ZNF41: variants seen among roughly 807,000 people sequenced by gnomAD.
ZNF41 encodes the protein zinc finger protein 41.
A neutral mutation model predicts 9.3 loss-of-function variants in ZNF41; 6 were observed. The observed-to-expected ratio is 0.65, with a 90% CI of 0.35 to 1.28. The LOEUF (loss-of-function observed/expected upper bound fraction) is 1.28. Ranked by LOEUF, ZNF41 falls within the 50% of genes most tolerant of loss-of-function variation. ZNF41 has a pLI of 0.03. For synonymous variants in ZNF41, 192 were observed against 207.1 expected, an observed-to-expected ratio of 0.93 and a Z score of 0.63; for missense variants, 523 against 585.8, an observed-to-expected ratio of 0.89 and a Z score of 1.11.
Position 47,456,480 on chromosome X carries a change from C to T in ZNF41, c.73-82G>A, listed in dbSNP as rs749126211. 3.4e-6 allele frequency: 4 copies of T among 1,175,113 alleles called. No homozygotes were observed. The East Asian group carries it at 9.0e-5, about 27-fold the overall frequency. On this transcript the variant is annotated intron_variant, in intron 2 of 4. Transcript: ENST00000684689. ...GGTAGATAGCAAGTTGTTTTTAATGCTTTTTACCATAATGTATCATGTAGG... is the reference window on the plus strand; with the variant it reads ...GGTAGATAGCAAGTTGTTTTTAATGTTTTTTACCATAATGTATCATGTAGG...
chrX:47,455,118 G>A (rs1266305656), intron 4 of ZNF41, among the ~76,000 whole-genome samples: 1 of 110,070 alleles, frequency 9.1e-6, no homozygotes, highest in Admixed American at 9.8e-5. Context: ...GGTGGCGCAT[G>A]CCTGTAATCT....
At chrX:47,460,476 G>T (rs968210784) in intron 2 of ZNF41, among the ~76,000 whole-genome samples, 10 of 111,286 alleles carry the variant, frequency 9.0e-5, no homozygotes, top group Non-Finnish European at 1.7e-4. Context: ...AGAACAAAGG[G>T]AAAGTCACAG....
At chrX:47,463,073 G>A (rs1053620699) in intron 2 of ZNF41, among the ~76,000 whole-genome samples, 13 of 109,628 alleles carry the variant, frequency 1.2e-4, no homozygotes, top group Non-Finnish European at 2.5e-4. Flanking sequence ...CAATCCTCCC[G>A]CTTTGGCCTC....
intron 1 of ZNF41, among the ~76,000 whole-genome samples, chrX:47,469,602 G>A (rs1325321293): frequency 1.8e-5 from 2 of 111,592 alleles, no homozygotes; most frequent in African/African-American, 3.3e-5. Flanking sequence ...TTCCCTGGCC[G>A]GGTGCCATGA....
intron 2 of ZNF41, among the ~76,000 whole-genome samples, chrX:47,461,103 T>TC (rs1220032341): frequency 9.2e-6 from 1 of 108,752 alleles, no homozygotes; most frequent in Non-Finnish European, 1.9e-5. Flanking sequence ...TCTTTTCTTT[T>TC]TTTTTTTTTT....
chrX:47,456,048 C>A, intron 3 of ZNF41, 32 bp from the exon 4 acceptor site: 1 of 1,177,903 alleles, frequency 8.5e-7, no homozygotes, highest in Non-Finnish European at 1.2e-6. Flanking sequence ...CGATTGGGTC[C>A]AGCTGATTGG....
Position 47,455,975 on chromosome X carries a change from G to T in ZNF41, c.241C>A (p.Gln81Lys), listed in dbSNP as rs2056545846. Residue 81 changes from glutamine (Q) to lysine (K), a missense_variant, in exon 4 of 5, where the codon CAA becomes AAA. Transcript: ENST00000684689. ...PKSEAAFKLE[Q>K]GEGPWMLEGE... Reference sequence around the variant, plus strand: ...TCCAGCATCCATGGCCCCTCTCCTTGCTCCAACTTGAAGGCAGCCTCTGAC... The same window carrying T: ...TCCAGCATCCATGGCCCCTCTCCTTTCTCCAACTTGAAGGCAGCCTCTGAC... The T allele has an allele frequency of 8.3e-7, 1 of 1,209,717 alleles. No individual in the cohort carries two copies. The highest frequency in any genetic ancestry group is 1.8e-5 in the African/African-American group (1 of 57,095).
chrX:47,457,909 A>G (rs1190542182), intron 2 of ZNF41, among the ~76,000 whole-genome samples: 1 of 94,083 alleles, frequency 1.1e-5, no homozygotes, highest in African/African-American at 3.7e-5. Flanking sequence ...TATGGGAGTG[A>G]GAAAAAGAAT....
At chrX:47,463,145 T>C (rs1348877539) in intron 2 of ZNF41, among the ~76,000 whole-genome samples, 1 of 110,810 alleles carries the variant, frequency 9.0e-6, no homozygotes, top group Non-Finnish European at 1.9e-5. Flanking sequence ...ATTTCTACTA[T>C]GCTCTCCCGT....
rs1259829603 is a variant in ZNF41, at chrX:47,445,354, T to A, written c.*2076A>T. ...ATTGATAGAATGTAAAATGGTGCAG[T>A]CATGTGAGGAACAGGCCTAGGTCTC... On this transcript the variant is annotated 3_prime_UTR_variant, in exon 5 of 5. Transcript: ENST00000684689. Among the ~76,000 whole-genome samples the A allele has an allele frequency of 8.9e-6, 1 of 111,756 alleles. No individual in the cohort carries two copies. Among genetic ancestry groups the A allele is most frequent in the Non-Finnish European group, 1.9e-5 (1 of 53,200 alleles).
chrX:47,477,729 T>C (rs890436157), intron 1 of ZNF41, among the ~76,000 whole-genome samples: 14 of 112,096 alleles, frequency 1.2e-4, no homozygotes, highest in African/African-American at 3.6e-4. Flanking sequence ...TCTGTACACT[T>C]TTCTCTGTTG....
intron 1 of ZNF41, among the ~76,000 whole-genome samples, chrX:47,476,134 C>G (rs58488586): frequency 9.0e-6 from 1 of 111,031 alleles, no homozygotes; most frequent in Admixed American, 9.6e-5. Context: ...AGGCGGATCA[C>G]TTGAGGCCAG....
At chrX:47,474,751 G>A (rs146527859) in intron 1 of ZNF41, among the ~76,000 whole-genome samples, 1,447 of 108,670 alleles carry the variant, frequency 0.013, 18 homozygotes, top group Middle Eastern at 0.024. Context: ...GGTGGCATGC[G>A]CCTGTAGTCT....
intron 4 of ZNF41, among the ~76,000 whole-genome samples, chrX:47,455,199 C>T (rs922275087): frequency 1.9e-4 from 21 of 108,222 alleles, no homozygotes; most frequent in Non-Finnish European, 2.7e-4. Context: ...GAAACGAGAT[C>T]GTGCCATTGC....
rs772504038 is a variant in ZNF41 at position 47,466,508 on chromosome X, T to C, written c.72+902A>G. On this transcript the variant is annotated intron_variant, in intron 2 of 4. Transcript: ENST00000684689. ...CAACTTGAGAGGCCTGGGCGAGTCA[T>C]GTGTCTTCTGGGGCATTTTATTCAT... Among the ~76,000 whole-genome samples the C allele has an allele frequency of 3.3e-3, 354 of 107,322 alleles. 1 individual carries two copies. The highest frequency in any genetic ancestry group is 0.012 in the African/African-American group (346 of 29,724). The allele number at this position is 107,322 out of a possible 115,157, so 93.2% of individuals were successfully genotyped here.
At chrX:47,451,725 A>C (rs1281905581) in intron 4 of ZNF41, among the ~76,000 whole-genome samples, 2 of 112,027 alleles carry the variant, frequency 1.8e-5, no homozygotes, top group Non-Finnish European at 3.8e-5. Context: ...AAAATACAAA[A>C]ATTAGCCAGG....
chrX:47,462,974 TACAC>T (rs756873063), intron 2 of ZNF41, among the ~76,000 whole-genome samples: 14 of 100,959 alleles, frequency 1.4e-4, no homozygotes, highest in South Asian at 4.6e-4. Context: ...CACATATGTG[TACAC>T]ACACACACAC....
chrX:47,476,024 G>A (rs1211032521), intron 1 of ZNF41, among the ~76,000 whole-genome samples: 1 of 111,447 alleles, frequency 9.0e-6, no homozygotes, highest in African/African-American at 3.3e-5. Flanking sequence ...AGGAACATAT[G>A]AAAACTATAA....
chrX:47,451,262 C>T (rs1159373475), intron 4 of ZNF41, among the ~76,000 whole-genome samples: 1 of 112,177 alleles, frequency 8.9e-6, no homozygotes, highest in Non-Finnish European at 1.9e-5. Flanking sequence ...TCCTCCTCTG[C>T]CTATATCCCC....
Sources: allele counts gnomAD v4.1 joint callset (sites outside exome capture counted in the v4.1 genomes callset), GRCh38; gene constraint gnomAD v4.1.1; transcripts MANE v1.5; gene names NCBI Gene and HGNC (gene_info 2026-07-23, HGNC 2026-07-21).